Variants in MRPS9 observed in about 807,000 individuals in gnomAD.
MRPS9 encodes small ribosomal subunit protein uS9m.
In MRPS9, 45 loss-of-function variants were observed where a neutral mutation model predicts 59.9. The observed-to-expected ratio is 0.75, with a 90% confidence interval of 0.59 to 0.96. The LOEUF is 0.96. Ranked by LOEUF, MRPS9 falls within the 40% of genes least tolerant of loss-of-function variation. The pLI is 0.00. For missense variants in MRPS9, 473 were observed against 481.1 expected (o/e 0.98, Z 0.16); for synonymous variants, 171 against 166.8 (o/e 1.03, Z -0.19).
chr2:105,073,848 C>T (rs927668772), intron 4 of MRPS9, among the ~76,000 whole-genome samples: 1 of 152,048 alleles, frequency 6.6e-6, no homozygotes, highest in Admixed American at 6.5e-5. Context: ...CATTTAGCAT[C>T]GAAATGTTCA....
chr2:105,083,152 G>A (rs1680380511), intron 5 of MRPS9, among the ~76,000 whole-genome samples: 1 of 152,168 alleles, frequency 6.6e-6, no homozygotes, highest in Admixed American at 6.5e-5. Context: ...AAGAGAGAAA[G>A]AATAAAGTTT....
At chr2:105,083,782 A>G (rs578079892) in intron 5 of MRPS9, among the ~76,000 whole-genome samples, 1 of 152,308 alleles carries the variant, frequency 6.6e-6, no homozygotes, top group East Asian at 1.9e-4. Flanking sequence ...TAGTAGGATC[A>G]AAGCTCTGTG....
At chr2:105,043,654 CAA>C (rs1679539663) in intron 1 of MRPS9, among the ~76,000 whole-genome samples, 1 of 151,812 alleles carries the variant, frequency 6.6e-6, no homozygotes, top group Non-Finnish European at 1.5e-5. Context: ...TTTTTTGAGA[CAA>C]GAGTCTTGCT....
intron 2 of MRPS9, 120 bp from the exon 3 acceptor site, chr2:105,071,193 A>T (rs1573434183): frequency 1.4e-6 from 1 of 724,372 alleles, no homozygotes; most frequent in East Asian, 2.7e-5. Context: ...AACATTTATG[A>T]AGTAAGATAA....
intron 1 of MRPS9, among the ~76,000 whole-genome samples, chr2:105,041,158 C>G (rs943905150): frequency 6.6e-6 from 1 of 152,134 alleles, no homozygotes; most frequent in African/African-American, 2.4e-5. Flanking sequence ...TTATTATGAG[C>G]AGTTGACAGT....
At chr2:105,073,999 A>G (rs1680163341) in intron 4 of MRPS9, among the ~76,000 whole-genome samples, 2 of 152,214 alleles carry the variant, frequency 1.3e-5, no homozygotes, top group Non-Finnish European at 1.5e-5. Flanking sequence ...ACATAAAGAA[A>G]ACCTAACGAA....
At chr2:105,050,248 T>C (rs1310506009) in intron 2 of MRPS9, among the ~76,000 whole-genome samples, 1 of 152,198 alleles carries the variant, frequency 6.6e-6, no homozygotes, top group East Asian at 1.9e-4. Flanking sequence ...CAAGCAGTTC[T>C]CCTGCCTCAG....
intron 2 of MRPS9, among the ~76,000 whole-genome samples, chr2:105,067,100 A>G (rs1473939575): frequency 6.6e-6 from 1 of 152,122 alleles, no homozygotes; most frequent in Non-Finnish European, 1.5e-5. Flanking sequence ...TTAACCCCCA[A>G]ATACATCAGT....
intron 5 of MRPS9, among the ~76,000 whole-genome samples, chr2:105,085,931 C>G (rs1373734322): frequency 6.6e-6 from 1 of 152,086 alleles, no homozygotes; most frequent in Non-Finnish European, 1.5e-5. Context: ...ATTTTATACC[C>G]TTAAGGATTT....
chr2:105,099,860 G>C lies in MRPS9; in HGVS notation c.*99G>C, dbSNP rs888237935. 13 of 929,232 alleles carry C rather than the reference G, an allele frequency of 1.4e-5. No individual in the cohort carries two copies. The African/African-American group carries it at 1.7e-4, about 12-fold the overall frequency. 57.6% of individuals were successfully genotyped at this position (929,232 alleles called of 1,614,324 possible). A position where few individuals can be genotyped will look rare whatever the true frequency, so the allele number is the denominator to read the frequency against. On this transcript the variant is annotated 3_prime_UTR_variant, in exon 11 of 11. Coordinates refer to ENST00000258455, the MANE Select transcript of MRPS9 (RefSeq NM_182640.3). The stretch of plus-strand genomic sequence containing the variant: ...GGCTGACCAGCATGAGGGCAGTACT[G>C]TCAGAAATTTCTTTGAGCTGTGAGA...
intron 9 of MRPS9, 56 bp downstream of exon 9, chr2:105,093,694 C>T (rs1680604470): frequency 1.2e-6 from 1 of 804,512 alleles, no homozygotes; most frequent in Non-Finnish European, 2.0e-6. Context: ...TATAATACAT[C>T]ATGATCATTT....
chr2:105,053,315 C>T (rs1679744387), intron 2 of MRPS9, among the ~76,000 whole-genome samples: 1 of 151,956 alleles, frequency 6.6e-6, no homozygotes, highest in Non-Finnish European at 1.5e-5. Context: ...TAATTTAATT[C>T]AATTACATAG....
At chr2:105,098,410 G>T (rs1328453220) in intron 10 of MRPS9, 3 of 152,168 alleles carry the variant, frequency 2.0e-5, no homozygotes, top group East Asian at 1.9e-4. Context: ...AGCCGCTGAG[G>T]TTCAATAAAA....
chr2:105,076,029 A>G (rs747056938), intron 4 of MRPS9, among the ~76,000 whole-genome samples: 4 of 152,208 alleles, frequency 2.6e-5, no homozygotes, highest in Non-Finnish European at 5.9e-5. Context: ...AAAAAGTATG[A>G]ATTAGAAAAC....
intron 6 of MRPS9, 65 bp downstream of exon 6, chr2:105,089,134 AT>A (rs2104466994): frequency 7.2e-6 from 9 of 1,252,548 alleles, no homozygotes; most frequent in East Asian, 4.7e-5. Flanking sequence ...ACTCATTGGT[AT>A]TTTTTTAGAC....
At chr2:105,090,777 A>T (rs969690932) in intron 7 of MRPS9, among the ~76,000 whole-genome samples, 3 of 152,188 alleles carry the variant, frequency 2.0e-5, no homozygotes, top group African/African-American at 7.2e-5. Flanking sequence ...TTTTTCCAAG[A>T]TGGAGATTTT....
At chr2:105,077,613 C>T (rs1434890659) in intron 4 of MRPS9, among the ~76,000 whole-genome samples, 1 of 152,190 alleles carries the variant, frequency 6.6e-6, no homozygotes, top group Admixed American at 6.5e-5. Context: ...ACAATAAACT[C>T]CCGCCTTGTT....
intron 2 of MRPS9, 33 bp from the exon 3 acceptor site, chr2:105,071,278 AAC>A (rs1469675475): frequency 6.4e-7 from 1 of 1,567,998 alleles, no homozygotes; most frequent in African/African-American, 1.4e-5. Flanking sequence ...TTGTTTATAT[AAC>A]AGTTGTTAAC....
chr2:105,092,690 T>C, intron 8 of MRPS9, 121 bp downstream of exon 8: 1 of 889,602 alleles, frequency 1.1e-6, no homozygotes, highest in Non-Finnish European at 1.6e-6. Context: ...TTGCTACCGT[T>C]ACTTTGGATT....
Sources: allele counts gnomAD v4.1 joint callset (sites outside exome capture counted in the v4.1 genomes callset), GRCh38; gene constraint gnomAD v4.1.1; transcripts MANE v1.5; gene names NCBI Gene and HGNC (gene_info 2026-07-23, HGNC 2026-07-21).